HYCC1: variants seen among roughly 807,000 people sequenced by gnomAD.
The protein encoded by HYCC1 is hyccin PI4KA lipid kinase complex subunit 1, also known as hyccin.
the HYCC1 span, among the ~76,000 whole-genome samples, chr7:23,001,433 C>A: frequency 6.6e-6 from 1 of 152,154 alleles, no homozygotes; most frequent in South Asian, 2.1e-4. Flanking sequence ...AGTTCAAAAC[C>A]TTTCCCTTGT....
the HYCC1 span, among the ~76,000 whole-genome samples, chr7:22,901,670 T>C: frequency 6.6e-6 from 1 of 151,916 alleles, no homozygotes; most frequent in East Asian, 1.9e-4. Context: ...AAGACAAGAA[T>C]ATTACCAGAG....
the HYCC1 span, among the ~76,000 whole-genome samples, chr7:22,919,528 C>CA: frequency 1.3e-4 from 20 of 148,738 alleles, no homozygotes; most frequent in African/African-American, 5.0e-4. Flanking sequence ...GATTCTGTCT[C>CA]AAAAAAAATT....
At chr7:22,964,578 G>A in the HYCC1 span, 2 of 1,101,518 alleles carry the variant, frequency 1.8e-6, no homozygotes, top group Non-Finnish European at 2.8e-6. Context: ...TAAAATTTTA[G>A]GTGATTTATT....
At chr7:22,976,819 G>C in the HYCC1 span, 2 of 1,522,586 alleles carry the variant, frequency 1.3e-6, no homozygotes, top group Admixed American at 1.7e-5. Flanking sequence ...CTAGAGAAAA[G>C]ACATTTGAAT....
chr7:22,938,511 T>A, the HYCC1 span: 1 of 152,210 alleles, frequency 6.6e-6, no homozygotes, highest in Non-Finnish European at 1.5e-5. Flanking sequence ...TATTAACAGG[T>A]CATCTGATAT....
At chr7:22,924,024 A>C in the HYCC1 span, among the ~76,000 whole-genome samples, 14 of 149,976 alleles carry the variant, frequency 9.3e-5, no homozygotes, top group Non-Finnish European at 1.6e-4. Flanking sequence ...ACCCAAAAAA[A>C]CCCAAATTAG....
the HYCC1 span, chr7:22,935,626 A>G: frequency 6.6e-6 from 1 of 152,120 alleles, no homozygotes; most frequent in African/African-American, 2.4e-5. Flanking sequence ...AAGTTGTGCC[A>G]ATGCTTGCCT....
At chr7:22,926,577 A>T in the HYCC1 span, among the ~76,000 whole-genome samples, 3 of 152,210 alleles carry the variant, frequency 2.0e-5, no homozygotes, top group Admixed American at 1.3e-4. Context: ...AGATCAAAAG[A>T]AACAAAGAAG....
the HYCC1 span, among the ~76,000 whole-genome samples, chr7:22,904,459 TA>T: frequency 1.3e-5 from 2 of 149,860 alleles, no homozygotes; most frequent in African/African-American, 4.9e-5. Flanking sequence ...ATAATAATAA[TA>T]ATATATATAT....
chr7:22,969,280 C>T, the HYCC1 span, among the ~76,000 whole-genome samples: 1 of 151,592 alleles, frequency 6.6e-6, no homozygotes, highest in Non-Finnish European at 1.5e-5. Context: ...GCTCAAGTGA[C>T]TCTCATGCCC....
the HYCC1 span, among the ~76,000 whole-genome samples, chr7:22,954,763 T>TTTTTTAC: frequency 1.3e-5 from 2 of 151,612 alleles, no homozygotes; most frequent in Non-Finnish European, 3.0e-5. Flanking sequence ...CTTTTAATTC[T>TTTTTTAC]TTTTTACTAC....
At chr7:22,942,767 T>A in the HYCC1 span, 1 of 152,162 alleles carries the variant, frequency 6.6e-6, no homozygotes, top group South Asian at 2.1e-4. Flanking sequence ...CTACCCCAAT[T>A]TTCAAATTTG....
chr7:22,955,456 G>C, the HYCC1 span, among the ~76,000 whole-genome samples: 2 of 151,514 alleles, frequency 1.3e-5, no homozygotes, highest in African/African-American at 4.8e-5. Flanking sequence ...TAAAAAAATC[G>C]AGATTCCACT....
the HYCC1 span, chr7:22,942,154 T>A: frequency 6.6e-6 from 1 of 152,124 alleles, no homozygotes; most frequent in African/African-American, 2.4e-5. Flanking sequence ...ATAGGCAAAA[T>A]CCCTTAAAAC....
chr7:22,959,272 A>T, the HYCC1 span, among the ~76,000 whole-genome samples: 1 of 152,294 alleles, frequency 6.6e-6, no homozygotes, highest in East Asian at 1.9e-4. Context: ...AGATTCCTTA[A>T]GTGAAAACAA....
chr7:22,911,619 G>A, the HYCC1 span, among the ~76,000 whole-genome samples: 6 of 152,270 alleles, frequency 3.9e-5, no homozygotes, highest in African/African-American at 7.2e-5. Flanking sequence ...TCAGCTGGGC[G>A]TGGTGGCGCA....
At chr7:22,983,706 T>C in the HYCC1 span, 5 of 485,744 alleles carry the variant, frequency 1.0e-5, no homozygotes, top group African/African-American at 3.9e-5. Context: ...TGCAGTGACA[T>C]AGACTTTTCA....
the HYCC1 span, among the ~76,000 whole-genome samples, chr7:22,962,289 A>G: frequency 6.6e-6 from 1 of 152,210 alleles, no homozygotes; most frequent in Non-Finnish European, 1.5e-5. Flanking sequence ...GAGAGTACAG[A>G]ATCTCTAAAA....
the HYCC1 span, chr7:22,943,543 C>T: frequency 6.6e-6 from 1 of 152,226 alleles, no homozygotes; most frequent in Non-Finnish European, 1.5e-5. Flanking sequence ...AGTGATAGAA[C>T]ATGAAAATCT....
Sources: allele counts gnomAD v4.1 joint callset (sites outside exome capture counted in the v4.1 genomes callset), GRCh38; gene constraint gnomAD v4.1.1; transcripts MANE v1.5; gene names NCBI Gene and HGNC (gene_info 2026-07-23, HGNC 2026-07-21).